VKORC1L1: variants seen among roughly 807,000 people sequenced by gnomAD.
The protein encoded by VKORC1L1 is vitamin K epoxide reductase complex subunit 1-like protein 1.
A neutral mutation model predicts 18.9 loss-of-function variants in VKORC1L1; 2 were observed. The observed-to-expected ratio is 0.11, with a 90% CI of 0.04 to 0.33. The LOEUF is 0.33. VKORC1L1 is among the 10% of genes least tolerant of loss of function. The pLI is 1.00. For synonymous variants in VKORC1L1, 96 were observed against 100.0 expected (o/e 0.96, Z 0.24); for missense variants, 123 against 224.1 (o/e 0.55, Z 2.88).
At chr7:65,941,963 A>G (rs1790042248) in intron 1 of VKORC1L1, among the ~76,000 whole-genome samples, 3 of 152,042 alleles carry the variant, frequency 2.0e-5, no homozygotes, top group Non-Finnish European at 2.9e-5. Flanking sequence ...GCCTAGCCGT[A>G]TTGCTGTTTC....
chr7:65,869,640 C>CTTTT (rs1226951533), upstream of VKORC1L1, among the ~76,000 whole-genome samples: 5 of 77,296 alleles, frequency 6.5e-5, no homozygotes, highest in South Asian at 5.8e-4. Flanking sequence ...CGATTTCATT[C>CTTTT]TTTTTTTTTT....
At chr7:65,897,537 C>G (rs529547680) in intron 1 of VKORC1L1, among the ~76,000 whole-genome samples, 2 of 152,186 alleles carry the variant, frequency 1.3e-5, no homozygotes, top group South Asian at 4.1e-4. Flanking sequence ...TTACAGTTCA[C>G]CCAACATGAA....
chr7:65,889,946 TTCTC>T (rs1205496023), intron 1 of VKORC1L1, among the ~76,000 whole-genome samples: 1 of 148,982 alleles, frequency 6.7e-6, no homozygotes, highest in South Asian at 2.2e-4. Context: ...GATATATTCA[TTCTC>T]TCTCTTTTTT....
At chr7:65,886,784 A>G (rs1789019137) in intron 1 of VKORC1L1, among the ~76,000 whole-genome samples, 1 of 137,512 alleles carries the variant, frequency 7.3e-6, no homozygotes, top group South Asian at 2.3e-4. Context: ...TGATCCACCC[A>G]CCTTGGCCTC....
At chr7:65,915,354 G>A (rs1408210904) in intron 1 of VKORC1L1, among the ~76,000 whole-genome samples, 1 of 151,394 alleles carries the variant, frequency 6.6e-6, no homozygotes, top group Non-Finnish European at 1.5e-5. Flanking sequence ...GCCTCCCAAA[G>A]TGCTGGAATT....
At chr7:65,883,460 G>A (rs929174075) in intron 1 of VKORC1L1, among the ~76,000 whole-genome samples, 1 of 147,890 alleles carries the variant, frequency 6.8e-6, no homozygotes, top group South Asian at 2.2e-4. Flanking sequence ...CCACATTTGA[G>A]CTTTAAAATA....
chr7:65,944,042 G>C (rs1444991709), intron 1 of VKORC1L1, among the ~76,000 whole-genome samples: 2 of 152,266 alleles, frequency 1.3e-5, no homozygotes, highest in African/African-American at 4.8e-5. Flanking sequence ...ACTTTGGGAG[G>C]CTTCAGTGGG....
Position 65,897,138 on chromosome 7 carries a change from A to G in VKORC1L1, c.194+23573A>G, listed in dbSNP as rs1426036515. Among the ~76,000 whole-genome samples, 3 of 152,260 alleles carry G rather than the reference A, an allele frequency of 2.0e-5. No homozygotes were observed. The South Asian group carries it at 6.2e-4, about 31-fold the overall frequency. The stretch of plus-strand genomic sequence containing the variant: ...AAAGGGCTAATTTCCTTTAAAAAGC[A>G]GGATCGCTTGCTGATAGAAAAGACC... On this transcript the variant is annotated intron_variant, in intron 1 of 2. Coordinates refer to ENST00000360768, the MANE Select transcript of VKORC1L1 (RefSeq NM_173517.6).
chr7:65,927,410 TG>T (rs1462328168), intron 1 of VKORC1L1, among the ~76,000 whole-genome samples: 1 of 152,230 alleles, frequency 6.6e-6, no homozygotes, highest in Non-Finnish European at 1.5e-5. Flanking sequence ...TAGTGGATTC[TG>T]GGATTTTATA....
chr7:65,897,144 G>A (rs1269664459), intron 1 of VKORC1L1, among the ~76,000 whole-genome samples: 1 of 152,200 alleles, frequency 6.6e-6, no homozygotes, highest in African/African-American at 2.4e-5. Context: ...AAGCAGGATC[G>A]CTTGCTGATA....
chr7:65,927,113 C>T (rs1789778265), intron 1 of VKORC1L1, among the ~76,000 whole-genome samples: 1 of 152,022 alleles, frequency 6.6e-6, no homozygotes, highest in Admixed American at 6.5e-5. Flanking sequence ...ATGGTGAAAC[C>T]CCATCTCTAC....
intron 1 of VKORC1L1, among the ~76,000 whole-genome samples, chr7:65,942,997 C>T (rs1425496874): frequency 6.6e-6 from 1 of 152,202 alleles, no homozygotes; most frequent in East Asian, 1.9e-4. Flanking sequence ...ACTGATAGAA[C>T]CAAAAATTTT....
rs55803206 is a variant in VKORC1L1, at chr7:65,957,484, C to G, written c.*3184C>G. The G allele has an allele frequency of 6.9e-6, 1 of 143,968 alleles. No homozygotes were observed. Among genetic ancestry groups the G allele is most frequent in the Non-Finnish European group, 1.5e-5 (1 of 65,462 alleles). The allele number at this position is 143,968 out of a possible 1,614,324, so 8.9% of individuals were successfully genotyped here. On this transcript the variant is annotated 3_prime_UTR_variant, in exon 3 of 3. Coordinates refer to ENST00000360768, the MANE Select transcript of VKORC1L1 (RefSeq NM_173517.6). ...CAACAGAGCGAGACTGTCCCCCCCCCAAAAAAAAAAGAGAGAGACTGCATT... is the reference window on the plus strand; with the variant it reads ...CAACAGAGCGAGACTGTCCCCCCCCGAAAAAAAAAAGAGAGAGACTGCATT...
intron 1 of VKORC1L1, among the ~76,000 whole-genome samples, chr7:65,945,578 C>T (rs958243172): frequency 2.6e-5 from 4 of 152,110 alleles, no homozygotes; most frequent in African/African-American, 7.2e-5. Flanking sequence ...CGCCACTGCA[C>T]TCCAGCCTGG....
intron 1 of VKORC1L1, among the ~76,000 whole-genome samples, chr7:65,881,167 TTC>T (rs1788921991): frequency 6.6e-6 from 1 of 152,214 alleles, no homozygotes; most frequent in Admixed American, 6.5e-5. Context: ...TTGTATTAGA[TTC>T]CCAGTTTTCA....
At chr7:65,923,118 A>T (rs1239328888) in intron 1 of VKORC1L1, among the ~76,000 whole-genome samples, 1 of 152,178 alleles carries the variant, frequency 6.6e-6, no homozygotes, top group East Asian at 1.9e-4. Flanking sequence ...TGAGGCTGAC[A>T]TCTCTTAAAA....
intron 1 of VKORC1L1, among the ~76,000 whole-genome samples, chr7:65,938,467 G>T (rs1285619240): frequency 6.6e-6 from 1 of 152,116 alleles, no homozygotes; most frequent in Non-Finnish European, 1.5e-5. Context: ...TCCTAATATT[G>T]AATAATGTGA....
At chr7:65,942,209 C>T (rs532900909) in intron 1 of VKORC1L1, among the ~76,000 whole-genome samples, 8 of 151,862 alleles carry the variant, frequency 5.3e-5, no homozygotes, top group African/African-American at 1.9e-4. Flanking sequence ...ACTTGTTGGC[C>T]GGATGCAGTG....
chr7:65,927,652 A>G (rs1417816220), intron 1 of VKORC1L1, among the ~76,000 whole-genome samples: 3 of 152,174 alleles, frequency 2.0e-5, no homozygotes, highest in Non-Finnish European at 4.4e-5. Flanking sequence ...TCATTGGCTG[A>G]GTACTGCAGG....
Sources: gnomAD v4.1 joint callset for allele counts (sites outside exome capture counted in the v4.1 genomes callset) on GRCh38, gnomAD v4.1.1 for gene constraint, MANE v1.5 for transcripts, NCBI Gene and HGNC (gene_info 2026-07-23, HGNC 2026-07-21) for gene names.